The following ALDH1L1 variants were observed in gnomAD, a reference collection of about 807,000 sequenced individuals.
The protein encoded by ALDH1L1 is aldehyde dehydrogenase 1 family member L1.
Under a neutral mutation model 101.1 loss-of-function variants are expected in ALDH1L1, and 68 were observed. That is an observed-to-expected ratio of 0.67 (90% CI 0.55 to 0.82). ALDH1L1 has a LOEUF of 0.82. Among genes scored for constraint, ALDH1L1 ranks in the 40% least tolerant of loss-of-function variants. The pLI is 0.00. For synonymous variants in ALDH1L1, 486 were observed against 470.8 expected, an observed-to-expected ratio of 1.03 and a Z score of -0.42; for missense variants, 1,087 against 1,172.7, an observed-to-expected ratio of 0.93 and a Z score of 1.07.
At chr3:126,114,792 C>G (rs1315780596) in intron 17 of ALDH1L1, 136 bp from the exon 18 acceptor site, 1 of 770,520 alleles carries the variant, frequency 1.3e-6, no homozygotes, top group Non-Finnish European at 2.3e-6. Context: ...TGCCTCCCCA[C>G]TCCCCCCCAC....
At chr3:126,145,914 A>G (rs183626537) in intron 9 of ALDH1L1, among the ~76,000 whole-genome samples, 1 of 152,292 alleles carries the variant, frequency 6.6e-6, no homozygotes, top group African/African-American at 2.4e-5. Flanking sequence ...TCAGCTCGGT[A>G]GCTGTACACA....
chr3:126,172,066 T>C (rs2081287842), intron 1 of ALDH1L1, among the ~76,000 whole-genome samples: 1 of 152,202 alleles, frequency 6.6e-6, no homozygotes, highest in African/African-American at 2.4e-5. Flanking sequence ...CCCACAGCTA[T>C]AGCAAATAGT....
Position 126,135,520 on chromosome 3 carries a change from A to G in ALDH1L1, c.1472+15T>C, listed in dbSNP as rs2080417544. On this transcript the variant is annotated intron_variant, in intron 12 of 22. Transcript: ENST00000393434. ...GATGGTGGCAGTGGCTGGCAGGTAC[A>G]TGTTGGGCTCCCACCTGTACATCAG... 3 of 1,602,410 alleles carry G rather than the reference A, an allele frequency of 1.9e-6. No homozygotes were observed. Among genetic ancestry groups the G allele is most frequent in the African/African-American group, 1.3e-5 (1 of 74,718 alleles).
At chr3:126,124,565 T>A in intron 15 of ALDH1L1, 114 bp from the exon 16 acceptor site, 1 of 833,230 alleles carries the variant, frequency 1.2e-6, no homozygotes, top group Non-Finnish European at 2.0e-6. Context: ...GGAGAGTAGC[T>A]GCAGATTGTG....
At chr3:126,146,291 G>C (rs1031648347) in intron 9 of ALDH1L1, among the ~76,000 whole-genome samples, 2 of 151,986 alleles carry the variant, frequency 1.3e-5, no homozygotes, top group African/African-American at 4.8e-5. Context: ...CCCTCCCTGG[G>C]CTCCCGCTCT....
intron 8 of ALDH1L1, 74 bp from the exon 9 acceptor site, chr3:126,147,000 C>A: frequency 1.4e-6 from 2 of 1,407,564 alleles, no homozygotes; most frequent in Non-Finnish European, 9.8e-7. Context: ...ACAACAACCC[C>A]TGAACAGACT....
intron 1 of ALDH1L1, among the ~76,000 whole-genome samples, chr3:126,173,993 A>G (rs757452296): frequency 3.3e-5 from 5 of 152,246 alleles, no homozygotes; most frequent in Admixed American, 6.5e-5. Context: ...AGATGAATCC[A>G]CTATTATTAC....
intron 10 of ALDH1L1, among the ~76,000 whole-genome samples, 197 bp from the exon 11 acceptor site, chr3:126,137,080 C>A (rs2080462471): frequency 6.6e-6 from 1 of 152,206 alleles, no homozygotes; most frequent in Admixed American, 6.5e-5. Context: ...TCTGCGCTTC[C>A]ACCTACTCCC....
chr3:126,194,583 T>C (rs2081571441), intron 1 of ALDH1L1, among the ~76,000 whole-genome samples: 1 of 152,346 alleles, frequency 6.6e-6, no homozygotes, highest in South Asian at 2.1e-4. Context: ...TGCTTTTATT[T>C]CAATGTTCGA....
chr3:126,180,687 T>TGGGAATATGGC (rs1476587875), upstream of ALDH1L1: 1 of 1,375,198 alleles, frequency 7.3e-7, no homozygotes. Context: ...TCACCGGTGG[T>TGGGAATATGGC]GGGACTATGG....
At chr3:126,120,447 TG>T (rs1222664934) in intron 16 of ALDH1L1, among the ~76,000 whole-genome samples, 1 of 152,174 alleles carries the variant, frequency 6.6e-6, no homozygotes, top group Non-Finnish European at 1.5e-5. Flanking sequence ...AAAAGATCAC[TG>T]GTTGCCAGGG....
At chr3:126,163,823 A>C (rs934355445) in intron 1 of ALDH1L1, among the ~76,000 whole-genome samples, 3 of 152,084 alleles carry the variant, frequency 2.0e-5, no homozygotes, top group Non-Finnish European at 1.5e-5. Flanking sequence ...TTTGTTTTTA[A>C]ATCTATGCTT....
intron 1 of ALDH1L1, 28 bp from the exon 2 acceptor site, chr3:126,161,030 A>G: frequency 6.2e-7 from 1 of 1,610,906 alleles, no homozygotes; most frequent in Non-Finnish European, 8.5e-7. Flanking sequence ...CAGCAATTAG[A>G]CAGAGATCGC....
At chr3:126,108,739 A>T (rs1945974184) in intron 20 of ALDH1L1, among the ~76,000 whole-genome samples, 1 of 152,264 alleles carries the variant, frequency 6.6e-6, no homozygotes, top group Non-Finnish European at 1.5e-5. Flanking sequence ...TAAGCCGAGC[A>T]GCAGCAAATG....
At chr3:126,124,324 T>C in intron 16 of ALDH1L1, 40 bp downstream of exon 16, 1 of 1,554,834 alleles carries the variant, frequency 6.4e-7, no homozygotes, top group Non-Finnish European at 8.8e-7. Flanking sequence ...CATCTCCAGC[T>C]GCCAGAAGCC....
intron 9 of ALDH1L1, among the ~76,000 whole-genome samples, chr3:126,141,461 A>G (rs1247514453): frequency 6.6e-6 from 1 of 152,128 alleles, no homozygotes. Flanking sequence ...AGGCTACACA[A>G]TAAGTCTTAA....
At chr3:126,176,811 T>C (rs745544230) in intron 1 of ALDH1L1, among the ~76,000 whole-genome samples, 1 of 152,138 alleles carries the variant, frequency 6.6e-6, no homozygotes, top group Non-Finnish European at 1.5e-5. Context: ...AGAAGACATA[T>C]CTGGTAAAGC....
chr3:126,103,869 C>T (rs1945763857), intron 22 of ALDH1L1, 23 bp from the exon 23 acceptor site: 2 of 1,611,092 alleles, frequency 1.2e-6, no homozygotes, highest in South Asian at 2.2e-5. Context: ...ACAAAGGTCA[C>T]AGCAGCTCCC....
intron 6 of ALDH1L1, 53 bp downstream of exon 6, chr3:126,154,501 C>T: frequency 3.2e-6 from 5 of 1,546,980 alleles, no homozygotes; most frequent in East Asian, 2.2e-5. Context: ...AGTTTAATGG[C>T]CAGTGGGATA....
Sources: allele counts gnomAD v4.1 joint callset (sites outside exome capture counted in the v4.1 genomes callset), GRCh38; gene constraint gnomAD v4.1.1; transcripts MANE v1.5; gene names NCBI Gene and HGNC (gene_info 2026-07-23, HGNC 2026-07-21).